The following PLIN1 variants were observed in gnomAD, a reference collection of about 807,000 sequenced individuals.
PLIN1 encodes perilipin 1, also known as perilipin-1.
In PLIN1, 37 loss-of-function variants were observed where a neutral mutation model predicts 45.8. The ratio of observed to expected loss-of-function variants is 0.81; its 90% CI spans 0.62 to 1.06. The LOEUF is 1.06. PLIN1 is among the 50% of genes least tolerant of loss of function. PLIN1 has a pLI of 0.00. For synonymous variants in PLIN1, 340 were observed against 309.2 expected, an observed-to-expected ratio of 1.10 and a Z score of -1.05; for missense variants, 776 against 716.5, an observed-to-expected ratio of 1.08 and a Z score of -0.95.
Position 89,665,697 on chromosome 15 carries a change from CG to C in PLIN1, c.1454del (p.Pro485ArgfsTer56). On this transcript the variant is annotated frameshift_variant, in exon 9 of 9. Transcript: ENST00000300055. LOFTEE classifies it high-confidence loss of function. ...ATPAAPRPGF[P>X]AVPREKPKRR... ...GCTTTGGCTTCTCGCGGGGCACGGC[CG>C]GGAAGCCCGGGCGCGGCGCTGCGGG... is the stretch of plus-strand genomic sequence containing the variant. 1 of 1,472,794 alleles carries C rather than the reference CG, an allele frequency of 6.8e-7. No individual in the cohort carries two copies. Among genetic ancestry groups the C allele is most frequent in the Non-Finnish European group, 9.0e-7 (1 of 1,115,344 alleles). 91.2% of individuals were successfully genotyped at this position (1,472,794 alleles called of 1,614,324 possible). A position where few individuals can be genotyped will look rare whatever the true frequency, so the allele number is the denominator to read the frequency against.
At position 89,669,998 on chromosome 15, in the gene PLIN1, G is replaced by C. The variant is rs6496589; in HGVS notation, c.580C>G (p.Pro194Ala). Reference protein sequence around the residue: ...IEKVVEYLLPPDKEESAPAPG... With the variant: ...IEKVVEYLLPADKEESAPAPG... ...CAGGTACCTGACTCTTCCTTGTCTG[G>C]AGGGAGGAGGTACTCCACCACCTTC... The change falls in exon 5 of 9, where the codon CCA (proline) becomes GCA (alanine). Residue 194 changes from proline to alanine, a missense_variant. Physicochemically the swap from Pro to Ala is conservative, Grantham distance 27. Transcript: ENST00000300055. 0.97 allele frequency: 1,570,145 copies of C among 1,611,936 alleles called. 768,045 individuals carry two copies. The highest frequency in any genetic ancestry group is 1 in the Non-Finnish European group (1,177,643 of 1,179,568).
intron 4 of PLIN1, among the ~76,000 whole-genome samples, chr15:89,671,093 G>A (rs1372835075): frequency 6.6e-6 from 1 of 152,220 alleles, no homozygotes; most frequent in Non-Finnish European, 1.5e-5. Flanking sequence ...GTTGGATCTT[G>A]AGGATATGGG....
rs767547133 is a variant in PLIN1, at chr15:89,673,426, G to C, written c.46-12C>G. The C allele has an allele frequency of 7.1e-5, 112 of 1,586,874 alleles. No homozygotes were observed. The highest frequency in any genetic ancestry group is 9.4e-5 in the Non-Finnish European group (109 of 1,165,720). On this transcript the variant is annotated splice_polypyrimidine_tract_variant and intron_variant, in intron 2 of 8. Transcript: ENST00000300055. ...ACATTCTCCTGCTCCTGGTGCGGAA[G>C]GAACACATTCAAGTTGTCCCACCTC...
At position 89,664,890 on chromosome 15, in the gene PLIN1, T is replaced by C. The variant is rs2141521510; in HGVS notation, c.*693A>G. ...TTCCCCAGCATCAAAAGAGTGACTA[T>C]GCAGGTGAAGGCAGTAATGATGCAA... On this transcript the variant is annotated 3_prime_UTR_variant, in exon 9 of 9. Coordinates refer to ENST00000300055, the MANE Select transcript of PLIN1 (RefSeq NM_002666.5). 2.2e-6 allele frequency: 1 copy of C among 456,098 alleles called. No homozygotes were observed. Among genetic ancestry groups the C allele is most frequent in the Non-Finnish European group, 4.4e-6 (1 of 226,808 alleles). 28.3% of individuals were successfully genotyped at this position (456,098 alleles called of 1,614,324 possible). A position where few individuals can be genotyped will look rare whatever the true frequency, so the allele number is the denominator to read the frequency against.
At chr15:89,678,074 G>T (rs1305908006) in intron 1 of PLIN1, 1 of 152,436 alleles carries the variant, frequency 6.6e-6, no homozygotes, top group Non-Finnish European at 1.5e-5. Flanking sequence ...TGTATTTTTA[G>T]TAGAGATGGG....
chr15:89,671,457 G>A, intron 4 of PLIN1, 25 bp downstream of exon 4: 1 of 1,494,652 alleles, frequency 6.7e-7, no homozygotes. Context: ...GTGCAGGGAG[G>A]CTTCGAGAGG....
intron 2 of PLIN1, 125 bp downstream of exon 2, chr15:89,677,320 T>C (rs1964534125): frequency 1.2e-6 from 1 of 846,470 alleles, no homozygotes; most frequent in African/African-American, 1.7e-5. Flanking sequence ...TAAGCCATGG[T>C]AGTCAATGAA....
At chr15:89,666,872 C>T (rs1964349062) in intron 8 of PLIN1, 64 bp downstream of exon 8, 7 of 1,597,274 alleles carry the variant, frequency 4.4e-6, no homozygotes, top group Non-Finnish European at 6.0e-6. Context: ...TCAGTCAAAT[C>T]TACTTTATCT....
chr15:89,667,314 C>T, intron 7 of PLIN1, 133 bp from the exon 8 acceptor site: 1 of 1,225,988 alleles, frequency 8.2e-7, no homozygotes, highest in South Asian at 1.3e-5. Flanking sequence ...CTGCCACTAG[C>T]AGTGTGGCCT....
At position 89,669,624 on chromosome 15, in the gene PLIN1, GGC is replaced by G; in HGVS notation, c.645_646del (p.Lys215AsnfsTer81). 6.2e-7 allele frequency: 1 copy of G among 1,614,092 alleles called. No homozygotes were observed. Among genetic ancestry groups the G allele is most frequent in the South Asian group, 1.1e-5 (1 of 91,086 alleles). Reference sequence around the variant, plus strand: ...AGCCCCAACCCTGCTCAAGAGGCTTGGCTTGGCCTTGGGAGACTTCTGGGCTT... The same window carrying G: ...AGCCCCAACCCTGCTCAAGAGGCTTGTTGGCCTTGGGAGACTTCTGGGCTT... On this transcript the variant is annotated frameshift_variant, in exon 6 of 9. Transcript: ENST00000300055. LOFTEE classifies it high-confidence loss of function.
chr15:89,669,437 G>T, intron 6 of PLIN1, 63 bp downstream of exon 6: 1 of 1,322,230 alleles, frequency 7.6e-7, no homozygotes, highest in Non-Finnish European at 1.1e-6. Context: ...GGGATGGGAG[G>T]GACTAGGAGG....
At chr15:89,679,127 C>G (rs1224924862) in intron 1 of PLIN1, 124 bp downstream of exon 1, 1 of 152,202 alleles carries the variant, frequency 6.6e-6, no homozygotes, top group African/African-American at 2.4e-5. Context: ...GGATTAAAGG[C>G]ATGATCCACT....
At chr15:89,677,284 C>A (rs903076443) in intron 2 of PLIN1, 161 bp downstream of exon 2, 11 of 732,366 alleles carry the variant, frequency 1.5e-5, no homozygotes, top group Non-Finnish European at 2.8e-5. Context: ...CTGCCCCCTA[C>A]AAAAGGTGGT....
chr15:89,670,363 G>A (rs1964422577), intron 4 of PLIN1, 119 bp from the exon 5 acceptor site: 2 of 1,002,480 alleles, frequency 2.0e-6, no homozygotes, highest in East Asian at 5.0e-5. Context: ...AAGGCCCAGG[G>A]AACTGGTACT....
In PLIN1 at chr15:89,664,596, C is replaced by A; in HGVS notation, c.*987G>T. The A allele has an allele frequency of 3.5e-6, 1 of 286,676 alleles. No individual in the cohort carries two copies. The highest frequency in any genetic ancestry group is 6.9e-6 in the Non-Finnish European group (1 of 144,960). The allele number at this position is 286,676 out of a possible 1,614,324, so 17.8% of individuals were successfully genotyped here. A position where few individuals can be genotyped will look rare whatever the true frequency, so the allele number is the denominator to read the frequency against. ...TGAAAAAAGCAGGCATGCGTAACAC[C>A]CCACAGCTTGTGTAAACACAAGCGG... On this transcript the variant is annotated 3_prime_UTR_variant, in exon 9 of 9. Coordinates refer to ENST00000300055, the MANE Select transcript of PLIN1 (RefSeq NM_002666.5).
At chr15:89,667,363 C>T (rs1434300683) in intron 7 of PLIN1, among the ~76,000 whole-genome samples, 182 bp from the exon 8 acceptor site, 2 of 152,254 alleles carry the variant, frequency 1.3e-5, no homozygotes, top group Non-Finnish European at 2.9e-5. Context: ...TCTGTTTCTT[C>T]TCCTGCAAAA....
chr15:89,670,370 T>A, intron 4 of PLIN1, 126 bp from the exon 5 acceptor site: 1 of 930,082 alleles, frequency 1.1e-6, no homozygotes, highest in Non-Finnish European at 1.6e-6. Context: ...AGGGAACTGG[T>A]ACTGATATTT....
chr15:89,671,678 T>A, intron 3 of PLIN1, 114 bp from the exon 4 acceptor site: 1 of 794,460 alleles, frequency 1.3e-6, no homozygotes, highest in Non-Finnish European at 2.2e-6. Flanking sequence ...GCCTGCTGCC[T>A]CCCCAGCATC....
At position 89,665,883 on chromosome 15, in the gene PLIN1, TG is replaced by T; in HGVS notation, c.1268del (p.Pro423GlnfsTer118). 6.6e-7 allele frequency: 1 copy of T among 1,526,540 alleles called. No individual in the cohort carries two copies. The highest frequency in any genetic ancestry group is 8.7e-7 in the Non-Finnish European group (1 of 1,145,386). The allele number at this position is 1,526,540 out of a possible 1,614,324, so 94.6% of individuals were successfully genotyped here. On this transcript the variant is annotated frameshift_variant, in exon 9 of 9. Coordinates refer to ENST00000300055, the MANE Select transcript of PLIN1 (RefSeq NM_002666.5). LOFTEE classifies it low-confidence loss of function (END_TRUNC). The part of the protein sequence containing the change: ...ESEFRDIDNP[P>X]AEVERREAER... ...CCGCCTCCCGGCGCTCGACCTCGGCTGGTGGGTTGTCGATGTCCCGGAATTC... is the reference window on the plus strand; with the variant it reads ...CCGCCTCCCGGCGCTCGACCTCGGCTGTGGGTTGTCGATGTCCCGGAATTC...
Sources: gnomAD v4.1 joint callset for allele counts (sites outside exome capture counted in the v4.1 genomes callset) on GRCh38, gnomAD v4.1.1 for gene constraint, MANE v1.5 for transcripts, NCBI Gene and HGNC (gene_info 2026-07-23, HGNC 2026-07-21) for gene names.